RTL9: variants seen among roughly 807,000 people sequenced by gnomAD.
RTL9 encodes retrotransposon Gag-like protein 9.
RTL9 carries 19 observed loss-of-function variants against 44.7 expected under a neutral mutation model. The observed-to-expected ratio is 0.42, with a 90% confidence interval of 0.30 to 0.62. RTL9 has a LOEUF of 0.62. Ranked by LOEUF, RTL9 falls within the 20% of genes least tolerant of loss-of-function variation. RTL9 has a pLI of 0.16. For synonymous variants in RTL9, 407 were observed against 398.9 expected, an observed-to-expected ratio of 1.02 and a Z score of -0.24; for missense variants, 1,105 against 1,080.6, an observed-to-expected ratio of 1.02 and a Z score of -0.32.
exon 1 of RTL9, chrX:110,452,035 C>A (rs2068945526): frequency 8.3e-7 from 1 of 1,212,083 alleles, no homozygotes; most frequent in Admixed American, 2.2e-5. Context: ...GCCAAAACTT[C>A]TGGAGCAATG....
rs1320333356 is a variant in RTL9 at position 110,406,123 on chromosome X, T to G, written c.-167-39030T>G. The stretch of plus-strand genomic sequence containing the variant: ...AAGGTTCTGGAAAGTGGTTTTTTTT[T>G]TTTCTTCAAGTTCTGTGTTACATGT... On this transcript the variant is annotated intron_variant, in intron 1 of 2. Transcript: ENST00000520821. Among the ~76,000 whole-genome samples, 6 of 110,720 alleles carry G rather than the reference T, an allele frequency of 5.4e-5. No homozygotes were observed. The South Asian group carries it at 1.6e-3, about 29-fold the overall frequency.
chrX:110,366,039 G>A (rs2068294990), intron 1 of RTL9, among the ~76,000 whole-genome samples: 1 of 111,726 alleles, frequency 9.0e-6, no homozygotes, highest in South Asian at 3.7e-4. Flanking sequence ...GACTGGCTCA[G>A]CTGCAGAATA....
At chrX:110,405,854 G>A (rs1445071598) in intron 1 of RTL9, among the ~76,000 whole-genome samples, 1 of 111,648 alleles carries the variant, frequency 9.0e-6, no homozygotes, top group Non-Finnish European at 1.9e-5. Flanking sequence ...CTGAACCATG[G>A]TGTGCAAGTC....
intron 1 of RTL9, among the ~76,000 whole-genome samples, chrX:110,388,092 C>T (rs1280738395): frequency 9.0e-6 from 1 of 110,882 alleles, no homozygotes; most frequent in Non-Finnish European, 1.9e-5. Flanking sequence ...TGGTCTCGAT[C>T]TCCTGACCTC....
exon 1 of RTL9, chrX:110,454,145 G>C (rs2068966007): frequency 8.2e-7 from 1 of 1,212,158 alleles, no homozygotes; most frequent in African/African-American, 1.7e-5. Flanking sequence ...AGAAGCAAAT[G>C]AAGGGGTTTT....
chrX:110,453,286 G>A lies in RTL9; in HGVS notation c.2669G>A (p.Arg890Gln), dbSNP rs141916712. ...GGAGACATGTGCACACTACCAGTGC[G>A]AGCCCCAGCCTCTGGAGGGGTGTCC... Residue 890 changes from arginine to glutamine, a missense_variant, in exon 1 of 2, where the codon CGA becomes CAA. Transcript: ENST00000540313. 771 of 1,209,476 alleles carry A rather than the reference G, an allele frequency of 6.4e-4. 3 individuals carry two copies. In the Middle Eastern group the frequency reaches 0.01, roughly 16 times the overall value.
At position 110,451,240 on chromosome X, in the gene RTL9, T is replaced by C. The variant is rs144726953; in HGVS notation, c.623T>C (p.Met208Thr). The change falls in exon 1 of 2, where the codon ATG becomes ACG. Residue 208 changes from methionine (M) to threonine (T), a missense_variant. Transcript: ENST00000540313. ...TCTGGAGAGTTATCCCCAATTCTAA[T>C]GCAAGATATGAATCCTGGAGTGATG... The C allele has an allele frequency of 2.0e-4, 245 of 1,210,143 alleles. No homozygotes were observed. The Middle Eastern group carries it at 3.9e-3, about 19-fold the overall frequency.
chrX:110,390,508 A>C (rs1430967302), intron 1 of RTL9, among the ~76,000 whole-genome samples: 2 of 111,806 alleles, frequency 1.8e-5, no homozygotes, highest in African/African-American at 6.5e-5. Flanking sequence ...TTTTATCTTG[A>C]AATCAGATCT....
chrX:110,380,097 G>T (rs1471959358), intron 1 of RTL9, among the ~76,000 whole-genome samples: 1 of 111,363 alleles, frequency 9.0e-6, no homozygotes. Context: ...TGGTACAGGT[G>T]GTGTTTCAAC....
chrX:110,438,166 C>T (rs1030463390), intron 1 of RTL9, among the ~76,000 whole-genome samples: 2 of 111,489 alleles, frequency 1.8e-5, no homozygotes, highest in African/African-American at 6.5e-5. Context: ...TGTTCCTCCT[C>T]TCTCTTTGTC....
chrX:110,444,349 C>T (rs892628164), intron 1 of RTL9, among the ~76,000 whole-genome samples: 1 of 112,485 alleles, frequency 8.9e-6, no homozygotes, highest in Admixed American at 9.4e-5. Flanking sequence ...GCCAGAAAGA[C>T]TTCCTGTTTT....
chrX:110,378,359 C>G (rs769807347), intron 1 of RTL9, among the ~76,000 whole-genome samples: 14 of 111,281 alleles, frequency 1.3e-4, no homozygotes, highest in Non-Finnish European at 2.4e-4. Context: ...TTGACTGTTG[C>G]GATAGCCTCC....
exon 2 of RTL9, chrX:110,455,329 T>G (rs377695120): frequency 6.6e-6 from 8 of 1,205,983 alleles, no homozygotes; most frequent in Non-Finnish European, 9.0e-6. Flanking sequence ...TAAAACTCCA[T>G]GGAATCTTCT....
At chrX:110,436,121 C>T (rs1001179497) in intron 1 of RTL9, among the ~76,000 whole-genome samples, 3 of 112,459 alleles carry the variant, frequency 2.7e-5, no homozygotes, top group Non-Finnish European at 1.9e-5. Flanking sequence ...CTGCTAGCAT[C>T]GCTGATTTAG....
exon 1 of RTL9, chrX:110,452,081 C>T: frequency 8.3e-7 from 1 of 1,211,131 alleles, no homozygotes; most frequent in Non-Finnish European, 1.1e-6. Flanking sequence ...CAAAACAATA[C>T]AAGAGAGCCA....
intron 1 of RTL9, among the ~76,000 whole-genome samples, chrX:110,387,715 C>T (rs2068465451): frequency 8.9e-6 from 1 of 111,746 alleles, no homozygotes; most frequent in Non-Finnish European, 1.9e-5. Flanking sequence ...AACCCATGTT[C>T]TCTACTTCTC....
upstream of RTL9, among the ~76,000 whole-genome samples, chrX:110,448,113 G>A (rs190509094): frequency 1.8e-5 from 2 of 111,889 alleles, no homozygotes; most frequent in African/African-American, 3.2e-5. Flanking sequence ...CAGGGATACC[G>A]GTCGCTGGAT....
At chrX:110,417,452 T>C (rs1183385085), upstream of RTL9, among the ~76,000 whole-genome samples, 1 of 111,242 alleles carries the variant, frequency 9.0e-6, no homozygotes, top group Non-Finnish European at 1.9e-5. Context: ...GTTTTCTAGG[T>C]TGTAGGGGTG....
intron 1 of RTL9, among the ~76,000 whole-genome samples, chrX:110,399,081 G>T (rs979316498): frequency 1.8e-5 from 2 of 111,944 alleles, no homozygotes; most frequent in African/African-American, 6.5e-5. Flanking sequence ...CAGAACTCAG[G>T]CTCCTGACTC....
Sources: allele counts gnomAD v4.1 joint callset (sites outside exome capture counted in the v4.1 genomes callset), GRCh38; gene constraint gnomAD v4.1.1; transcripts MANE v1.5; gene names NCBI Gene and HGNC (gene_info 2026-07-23, HGNC 2026-07-21).